ATP10B: variants seen among roughly 807,000 people sequenced by gnomAD.
The protein encoded by ATP10B is phospholipid-transporting ATPase VB.
ATP10B carries 122 observed loss-of-function variants against 141.2 expected under a neutral mutation model. The ratio of observed to expected loss-of-function variants is 0.86; its 90% CI spans 0.75 to 1.00. ATP10B has a LOEUF of 1.00. Among genes scored for constraint, ATP10B ranks in the 50% least tolerant of loss-of-function variants. ATP10B has a pLI of 0.00. For synonymous variants in ATP10B, 685 were observed against 692.0 expected, an observed-to-expected ratio of 0.99 and a Z score of 0.16; for missense variants, 1,876 against 1,825.3, an observed-to-expected ratio of 1.03 and a Z score of -0.51.
chr5:160,595,864 G>A (rs1405969097), intron 22 of ATP10B, among the ~76,000 whole-genome samples: 5 of 151,402 alleles, frequency 3.3e-5, no homozygotes, highest in African/African-American at 1.2e-4. Flanking sequence ...TCTCTGAATA[G>A]ACCAATAACA....
intron 3 of ATP10B, among the ~76,000 whole-genome samples, chr5:160,694,424 T>C (rs1309819905): frequency 1.3e-5 from 2 of 152,326 alleles, no homozygotes; most frequent in South Asian, 2.1e-4. Context: ...TCAGATCACC[T>C]CAGGCTTGAA....
At chr5:160,620,212 T>G (rs1561659913) in intron 15 of ATP10B, 135 bp downstream of exon 15, 1 of 1,166,548 alleles carries the variant, frequency 8.6e-7, no homozygotes, top group Non-Finnish European at 1.2e-6. Context: ...GAGGAAAACA[T>G]CTTGTAGGTC....
At chr5:160,819,481 C>T (rs149805500) in intron 1 of ATP10B, among the ~76,000 whole-genome samples, 55 of 152,096 alleles carry the variant, frequency 3.6e-4, no homozygotes, top group South Asian at 2.1e-3. Flanking sequence ...AGAAATCATC[C>T]GAAGGTCCAA....
chr5:160,660,469 A>G (rs565894140), intron 7 of ATP10B, among the ~76,000 whole-genome samples: 42 of 152,330 alleles, frequency 2.8e-4, no homozygotes, highest in Non-Finnish European at 4.0e-4. Flanking sequence ...AGAAAAACCC[A>G]CTGAACACCT....
chr5:160,665,152 GA>G (rs571661668), intron 7 of ATP10B, among the ~76,000 whole-genome samples: 5 of 150,886 alleles, frequency 3.3e-5, no homozygotes, highest in East Asian at 3.9e-4. Flanking sequence ...AAGTTCCAAT[GA>G]AAAAAAAAGT....
At chr5:160,927,507 T>C in the ATP10B span, among the ~76,000 whole-genome samples, 5 of 152,346 alleles carry the variant, frequency 3.3e-5, no homozygotes, top group African/African-American at 9.6e-5. Flanking sequence ...AGCTGGTCCC[T>C]GAGCACTTAA....
Position 160,596,071 on chromosome 5 carries a change from C to T in ATP10B, c.3564+2699G>A, listed in dbSNP as rs942403337. On this transcript the variant is annotated intron_variant, in intron 22 of 25. Transcript: ENST00000327245. ...GCCAGCATCATCCTGATACCAAAGCCGGGCAGAGACACAACCAAAAAAGAG... is the reference window on the plus strand; with the variant it reads ...GCCAGCATCATCCTGATACCAAAGCTGGGCAGAGACACAACCAAAAAAGAG... Among the ~76,000 whole-genome samples, 292 of 151,720 alleles carry T rather than the reference C, an allele frequency of 1.9e-3. 1 individual carries two copies. Among genetic ancestry groups the T allele is most frequent in the African/African-American group, 6.6e-3 (274 of 41,378 alleles).
At chr5:160,567,929 GGAAATAGTA>G (rs960609408) in intron 25 of ATP10B, among the ~76,000 whole-genome samples, 1 of 152,162 alleles carries the variant, frequency 6.6e-6, no homozygotes, top group Non-Finnish European at 1.5e-5. Context: ...CTGTAGAAAT[GGAAATAGTA>G]GATGGGTTTG....
chr5:160,694,483 C>T lies in ATP10B; in HGVS notation c.-204-5540G>A, dbSNP rs137884166. On this transcript the variant is annotated intron_variant, in intron 3 of 25. Transcript: ENST00000327245. ...CCTTATTCTCTTCTAGGTACAATGT[C>T]CTCTAGATGATAAGAAGACAATCCT... Among the ~76,000 whole-genome samples, 646 of 152,290 alleles carry T rather than the reference C, an allele frequency of 4.2e-3. 8 individuals carry two copies. The Middle Eastern group carries it at 0.054, about 13-fold the overall frequency.
chr5:160,848,427 A>G (rs1469448638), intron 1 of ATP10B, among the ~76,000 whole-genome samples: 6 of 152,260 alleles, frequency 3.9e-5, no homozygotes, highest in Admixed American at 3.9e-4. Context: ...CAGCTAATAA[A>G]TGGCACAAAT....
intron 1 of ATP10B, among the ~76,000 whole-genome samples, chr5:160,840,062 A>G (rs1266326097): frequency 6.6e-6 from 1 of 152,108 alleles, no homozygotes; most frequent in Non-Finnish European, 1.5e-5. Flanking sequence ...AAGAAACTAT[A>G]AATACCTCTG....
intron 2 of ATP10B, among the ~76,000 whole-genome samples, chr5:160,770,184 CTCTA>C (rs1186916388): frequency 1.3e-5 from 2 of 151,928 alleles, no homozygotes; most frequent in Non-Finnish European, 2.9e-5. Flanking sequence ...CTCTGTCCCT[CTCTA>C]TCCTCTCTCT....
intron 20 of ATP10B, 141 bp downstream of exon 20, chr5:160,603,824 T>A: frequency 1.6e-6 from 1 of 644,988 alleles, no homozygotes; most frequent in South Asian, 2.0e-5. Flanking sequence ...AATGTCCTTA[T>A]GTCTGTCATT....
At chr5:160,648,413 G>T (rs1760450811) in intron 8 of ATP10B, among the ~76,000 whole-genome samples, 1 of 152,178 alleles carries the variant, frequency 6.6e-6, no homozygotes, top group African/African-American at 2.4e-5. Context: ...GTGGCCCAGG[G>T]AAGCCAGAAG....
chr5:160,630,570 A>G (rs1444318624), intron 13 of ATP10B, among the ~76,000 whole-genome samples: 1 of 152,240 alleles, frequency 6.6e-6, no homozygotes, highest in Non-Finnish European at 1.5e-5. Flanking sequence ...GTGCCTAATG[A>G]GAATTCACTA....
At chr5:160,781,119 G>A (rs946645006) in intron 2 of ATP10B, among the ~76,000 whole-genome samples, 9 of 152,108 alleles carry the variant, frequency 5.9e-5, no homozygotes, top group East Asian at 1.9e-4. Flanking sequence ...AAGATCTCTC[G>A]AAAATAAGAA....
intron 10 of ATP10B, among the ~76,000 whole-genome samples, chr5:160,637,360 T>C (rs529509610): frequency 7.2e-4 from 109 of 152,332 alleles, no homozygotes; most frequent in African/African-American, 2.6e-3. Flanking sequence ...CATCCATCTA[T>C]GTTTACCCAT....
At chr5:160,894,210 C>A in the ATP10B span, among the ~76,000 whole-genome samples, 1 of 151,916 alleles carries the variant, frequency 6.6e-6, no homozygotes, top group East Asian at 1.9e-4. Context: ...GATGAATGAG[C>A]CTGTTGGAAG....
At chr5:160,915,933 A>G in the ATP10B span, among the ~76,000 whole-genome samples, 2 of 152,178 alleles carry the variant, frequency 1.3e-5, no homozygotes, top group Non-Finnish European at 2.9e-5. Flanking sequence ...TACTGTAAAA[A>G]TCACACAGCA....
Sources: allele counts gnomAD v4.1 joint callset (sites outside exome capture counted in the v4.1 genomes callset), GRCh38; gene constraint gnomAD v4.1.1; transcripts MANE v1.5; gene names NCBI Gene and HGNC (gene_info 2026-07-23, HGNC 2026-07-21).